WDR27: variants seen among roughly 807,000 people sequenced by gnomAD.
WDR27 encodes the protein WD repeat domain 27, also known as WD repeat-containing protein 27.
WDR27 carries 100 observed loss-of-function variants against 114.4 expected under a neutral mutation model. The ratio of observed to expected loss-of-function variants is 0.87; its 90% CI spans 0.74 to 1.03. The LOEUF (loss-of-function observed/expected upper bound fraction) is 1.03. Among genes scored for constraint, WDR27 ranks in the 50% least tolerant of loss-of-function variants. The pLI is 0.00. For synonymous variants in WDR27, 449 were observed against 423.1 expected (o/e 1.06, Z -0.75); for missense variants, 1,129 against 1,092.9 (o/e 1.03, Z -0.47).
chr6:169,520,614 G>T (rs1289164740), intron 25 of WDR27, among the ~76,000 whole-genome samples: 1 of 152,076 alleles, frequency 6.6e-6, no homozygotes, highest in Non-Finnish European at 1.5e-5. Flanking sequence ...AGAATGCAAA[G>T]TAGCAGTTTT....
At chr6:169,558,392 T>C (rs992056031) in intron 25 of WDR27, 1 of 152,132 alleles carries the variant, frequency 6.6e-6, no homozygotes, top group African/African-American at 2.4e-5. Flanking sequence ...TTGGCCAGGC[T>C]GGAAACAGAG....
At chr6:169,634,383 A>G in intron 20 of WDR27, 45 bp downstream of exon 20, 1 of 1,439,926 alleles carries the variant, frequency 6.9e-7, no homozygotes, top group Non-Finnish European at 9.6e-7. Context: ...CAGAGGAACA[A>G]CACTCAGGGC....
intron 25 of WDR27, among the ~76,000 whole-genome samples, chr6:169,522,537 G>T (rs9383489): frequency 1.3e-5 from 2 of 151,990 alleles, no homozygotes; most frequent in Admixed American, 1.3e-4. Context: ...TCAGCACATG[G>T]AACATTCTAC....
At chr6:169,656,015 C>T (rs975640913) in intron 13 of WDR27, among the ~76,000 whole-genome samples, 1 of 152,058 alleles carries the variant, frequency 6.6e-6, no homozygotes, top group African/African-American at 2.4e-5. Context: ...AGCCACTGCA[C>T]CCAGCTGGAG....
intron 2 of WDR27, among the ~76,000 whole-genome samples, chr6:169,674,062 G>A (rs1779467815): frequency 6.6e-6 from 1 of 152,196 alleles, no homozygotes; most frequent in Admixed American, 6.5e-5. Flanking sequence ...CCAGTGCCCT[G>A]AGCATGACTG....
chr6:169,629,729 C>T lies in WDR27; in HGVS notation c.2223+3218G>A, dbSNP rs934700893. Among the ~76,000 whole-genome samples the T allele has an allele frequency of 6.0e-4, 91 of 151,918 alleles. 9 individuals are homozygous for T. The highest frequency in any genetic ancestry group is 1.5e-5 in the Non-Finnish European group (1 of 67,990). On this transcript the variant is annotated intron_variant, in intron 21 of 25. Coordinates refer to ENST00000448612, the MANE Select transcript of WDR27 (RefSeq NM_182552.5). ...ATCACCTGAGGTGAGGAGTTTGAGA[C>T]CAGCCTGGCCAACATGGTGAAATCC...
chr6:169,654,728 C>T (rs1300164572), intron 13 of WDR27, among the ~76,000 whole-genome samples: 3 of 149,902 alleles, frequency 2.0e-5, no homozygotes, highest in Non-Finnish European at 4.4e-5. Flanking sequence ...GAAGGAGGCG[C>T]GCACAGGAGG....
Position 169,662,390 on chromosome 6 carries a change from T to C in WDR27, c.939A>G (p.Gly313=). 6.2e-7 allele frequency: 1 copy of C among 1,614,038 alleles called. No individual in the cohort carries two copies. The highest frequency in any genetic ancestry group is 8.5e-7 in the Non-Finnish European group (1 of 1,179,874). ...ATGTTACTTCAACCTGCTCTCCTTT[T>C]CCCAGAGCACTTGTAGAGGGAAGCT... ...ESQLPSTSAL[G]KGEQVEVTFP... The change falls in exon 9 of 26, where the codon GGA becomes GGG. Residue 313 remains glycine, a synonymous_variant. Transcript: ENST00000448612.
chr6:169,525,020 A>G (rs1794787660), intron 25 of WDR27, among the ~76,000 whole-genome samples: 2 of 152,182 alleles, frequency 1.3e-5, no homozygotes, highest in Admixed American at 1.3e-4. Context: ...ATACTTGCAC[A>G]TTATCTATCT....
chr6:169,645,023 T>TAAAAAAAAAAAAAAAAAAAA (rs776362942), intron 16 of WDR27, among the ~76,000 whole-genome samples: 1 of 46,982 alleles, frequency 2.1e-5, no homozygotes. Context: ...AAAAAAAAAA[T>TAAAAAAAAAAAAAAAAAAAA]AAAAAAAAAA....
intron 25 of WDR27, among the ~76,000 whole-genome samples, chr6:169,481,800 C>T (rs1166334474): frequency 6.6e-6 from 1 of 152,212 alleles, no homozygotes; most frequent in Non-Finnish European, 1.5e-5. Context: ...AGGTCTGCAC[C>T]TTCACTCCTG....
chr6:169,507,179 T>G (rs1323723063), intron 25 of WDR27, among the ~76,000 whole-genome samples: 1 of 152,246 alleles, frequency 6.6e-6, no homozygotes, highest in Non-Finnish European at 1.5e-5. Flanking sequence ...ACAAGTTTGG[T>G]TGAGAATAAG....
At chr6:169,520,083 G>T (rs1036197220) in intron 25 of WDR27, among the ~76,000 whole-genome samples, 1 of 152,304 alleles carries the variant, frequency 6.6e-6, no homozygotes, top group East Asian at 1.9e-4. Flanking sequence ...ACAAAAGGGG[G>T]AAGTGGGACT....
chr6:169,472,124 G>A (rs1786493225), intron 25 of WDR27, among the ~76,000 whole-genome samples: 1 of 152,178 alleles, frequency 6.6e-6, no homozygotes, highest in African/African-American at 2.4e-5. Flanking sequence ...TTCCTAGGCT[G>A]ATCATTTTTA....
chr6:169,549,168 T>A (rs1298284325), intron 25 of WDR27, among the ~76,000 whole-genome samples: 6 of 152,220 alleles, frequency 3.9e-5, no homozygotes, highest in Non-Finnish European at 8.8e-5. Context: ...AAAGAACTGC[T>A]ATCTAATATA....
chr6:169,432,456 G>A, the WDR27 span, among the ~76,000 whole-genome samples: 11 of 152,312 alleles, frequency 7.2e-5, no homozygotes, highest in Admixed American at 7.2e-4. Flanking sequence ...TGTTGTAGGT[G>A]GGACCTAGTG....
intron 25 of WDR27, among the ~76,000 whole-genome samples, chr6:169,551,608 G>C (rs186391810): frequency 3.5e-4 from 53 of 151,938 alleles, no homozygotes; most frequent in African/African-American, 1.2e-3. Flanking sequence ...ATGGTGGTGG[G>C]TGCCTGTAAT....
intron 25 of WDR27, among the ~76,000 whole-genome samples, chr6:169,476,277 T>C (rs1787147941): frequency 6.6e-6 from 1 of 152,208 alleles, no homozygotes; most frequent in South Asian, 2.1e-4. Context: ...CTTGTGGCTC[T>C]TGAATGTGTC....
chr6:169,575,089 G>C (rs1050296304), intron 24 of WDR27, among the ~76,000 whole-genome samples: 1 of 152,032 alleles, frequency 6.6e-6, no homozygotes, highest in Admixed American at 6.5e-5. Context: ...TTTGGACTCA[G>C]GCGGGAACAC....
Sources: allele counts gnomAD v4.1 joint callset (sites outside exome capture counted in the v4.1 genomes callset), GRCh38; gene constraint gnomAD v4.1.1; transcripts MANE v1.5; gene names NCBI Gene and HGNC (gene_info 2026-07-23, HGNC 2026-07-21).